The following WHRN variants were observed in gnomAD, a reference collection of about 807,000 sequenced individuals.
WHRN encodes the protein whirlin, also known as CASK-interacting protein CIP98.
Under a neutral mutation model 68.3 loss-of-function variants are expected in WHRN, and 41 were observed. The ratio of observed to expected loss-of-function variants is 0.60; its 90% confidence interval spans 0.47 to 0.78. WHRN has a LOEUF of 0.78. WHRN is among the 30% of genes least tolerant of loss of function. WHRN has a pLI of 0.00. For synonymous variants in WHRN, 560 were observed against 561.3 expected (o/e 1.00, Z 0.03); for missense variants, 1,243 against 1,244.7 (o/e 1.00, Z 0.02).
chr9:114,503,222 G>A (rs1589285576), intron 1 of WHRN: 1 of 984,790 alleles, frequency 1.0e-6, no homozygotes, highest in Non-Finnish European at 1.2e-6. Context: ...CTGCGCTGGC[G>A]GGGAGTGGGG....
rs1232586111 is a variant in WHRN at position 114,424,227 on chromosome 9, C to G, written c.1416+107G>C. ...CAGTCCCAGGTCTCTGCCCAGTGTT[C>G]AGTTCAGGCCTGACCCCTTGTAGGT... is the stretch of plus-strand genomic sequence containing the variant. On this transcript the variant is annotated intron_variant, in intron 6 of 11. Coordinates refer to ENST00000362057, the MANE Select transcript of WHRN (RefSeq NM_015404.4). 7 of 1,311,192 alleles carry G rather than the reference C, an allele frequency of 5.3e-6. No homozygotes were observed. In the African/African-American group the frequency reaches 1.0e-4, roughly 19 times the overall value. 81.2% of individuals were successfully genotyped at this position (1,311,192 alleles called of 1,614,324 possible). A position where few individuals can be genotyped will look rare whatever the true frequency, so the allele number is the denominator to read the frequency against.
Position 114,402,578 on chromosome 9 carries a change from T to C in WHRN, c.*176A>G, listed in dbSNP as rs1305548225. 1 of 801,660 alleles carries C rather than the reference T, an allele frequency of 1.2e-6. No homozygotes were observed. The highest frequency in any genetic ancestry group is 2.1e-6 in the Non-Finnish European group (1 of 483,108). The allele number at this position is 801,660 out of a possible 1,614,324, so 49.7% of individuals were successfully genotyped here. On this transcript the variant is annotated 3_prime_UTR_variant, in exon 12 of 12. Transcript: ENST00000362057. ...TCCTGACCTGACCTTCTGTCTGCCTTGTCCTGCTCTCTTCCTCTCCCAGTT... is the reference window on the plus strand; with the variant it reads ...TCCTGACCTGACCTTCTGTCTGCCTCGTCCTGCTCTCTTCCTCTCCCAGTT...
At chr9:114,435,334 C>T (rs1195928059) in intron 3 of WHRN, among the ~76,000 whole-genome samples, 1 of 152,140 alleles carries the variant, frequency 6.6e-6, no homozygotes, top group African/African-American at 2.4e-5. Flanking sequence ...TAGTCCCCTC[C>T]CCATTCTGGT....
intron 7 of WHRN, among the ~76,000 whole-genome samples, chr9:114,413,037 C>A (rs1589079316): frequency 6.6e-6 from 1 of 152,232 alleles, no homozygotes; most frequent in African/African-American, 2.4e-5. Context: ...CAGGGTCCCC[C>A]AACTCCCATC....
chr9:114,494,124 T>A (rs747576846), intron 1 of WHRN, among the ~76,000 whole-genome samples: 10 of 152,210 alleles, frequency 6.6e-5, no homozygotes, highest in Non-Finnish European at 1.5e-4. Flanking sequence ...GAAGTGTCAG[T>A]GGGGGATTTA....
chr9:114,403,867 C>G (rs770215305), intron 10 of WHRN, 29 bp downstream of exon 10: 3 of 1,608,358 alleles, frequency 1.9e-6, no homozygotes, highest in East Asian at 4.5e-5. Context: ...TTCCTCTCAG[C>G]CCTCTGCATC....
chr9:114,494,864 G>T (rs1199583743), intron 1 of WHRN, among the ~76,000 whole-genome samples: 5 of 121,252 alleles, frequency 4.1e-5, no homozygotes, highest in African/African-American at 1.0e-4. Flanking sequence ...GAGCAACAAA[G>T]AAAAGAAAAC....
In WHRN at chr9:114,478,469, G is replaced by A. The variant is rs369246146; in HGVS notation, c.837+84C>T. ...CTGGACAGAACCAGCCTCTTCTTGC[G>A]GCCTCCAAGCAGCTCTGCTGTTCTG... On this transcript the variant is annotated intron_variant, in intron 2 of 11. Coordinates refer to ENST00000362057, the MANE Select transcript of WHRN (RefSeq NM_015404.4). The A allele has an allele frequency of 2.6e-4, 381 of 1,460,728 alleles. 15 individuals are homozygous for A. In the East Asian group the frequency reaches 3.3e-3, roughly 12 times the overall value. 90.5% of individuals were successfully genotyped at this position (1,460,728 alleles called of 1,614,324 possible). A position where few individuals can be genotyped will look rare whatever the true frequency, so the allele number is the denominator to read the frequency against.
chr9:114,489,440 C>T (rs1346182826), intron 1 of WHRN, among the ~76,000 whole-genome samples: 1 of 151,588 alleles, frequency 6.6e-6, no homozygotes, highest in Non-Finnish European at 1.5e-5. Context: ...AATACTGTTC[C>T]TATCAAAGGC....
At chr9:114,493,155 G>A (rs1267974947) in intron 1 of WHRN, among the ~76,000 whole-genome samples, 1 of 151,944 alleles carries the variant, frequency 6.6e-6, no homozygotes, top group Non-Finnish European at 1.5e-5. Context: ...TTTGAGACCA[G>A]CCTGGGCGAC....
At chr9:114,466,000 C>T (rs1387654367) in intron 3 of WHRN, among the ~76,000 whole-genome samples, 1 of 152,216 alleles carries the variant, frequency 6.6e-6, no homozygotes, top group African/African-American at 2.4e-5. Flanking sequence ...CGTAACAAAC[C>T]CTGAGGTCAG....
At chr9:114,466,605 C>T (rs1450225780) in intron 2 of WHRN, among the ~76,000 whole-genome samples, 1 of 152,188 alleles carries the variant, frequency 6.6e-6, no homozygotes, top group African/African-American at 2.4e-5. Flanking sequence ...AAGCCCCTCA[C>T]CCCCTCTTGG....
intron 4 of WHRN, chr9:114,425,489 G>T (rs1836742138): frequency 3.7e-5 from 11 of 301,034 alleles, no homozygotes; most frequent in East Asian, 2.0e-4. Context: ...CAGAAATCCA[G>T]TTTTTTTTTT....
chr9:114,413,700 A>G (rs996449537), intron 7 of WHRN, among the ~76,000 whole-genome samples: 5 of 152,158 alleles, frequency 3.3e-5, no homozygotes, highest in Non-Finnish European at 5.9e-5. Context: ...GATCACAAGA[A>G]CAACCTCAAC....
chr9:114,432,522 T>TA (rs1837512295), intron 3 of WHRN, among the ~76,000 whole-genome samples: 1 of 152,212 alleles, frequency 6.6e-6, no homozygotes, highest in African/African-American at 2.4e-5. Flanking sequence ...GGTGTGTGTT[T>TA]CTGAGCACAG....
intron 1 of WHRN, among the ~76,000 whole-genome samples, chr9:114,488,602 T>C (rs1412312448): frequency 6.6e-6 from 1 of 151,952 alleles, no homozygotes; most frequent in Non-Finnish European, 1.5e-5. Context: ...CAAAAGAAAG[T>C]CCCTTAGGGT....
intron 3 of WHRN, among the ~76,000 whole-genome samples, chr9:114,456,347 A>G (rs983513708): frequency 6.6e-6 from 1 of 152,176 alleles, no homozygotes; most frequent in Non-Finnish European, 1.5e-5. Context: ...GCAGACTGAG[A>G]TGAATGAAGA....
chr9:114,480,018 G>A (rs557508021), intron 1 of WHRN, among the ~76,000 whole-genome samples: 10 of 152,212 alleles, frequency 6.6e-5, no homozygotes, highest in Admixed American at 2.6e-4. Flanking sequence ...AGCTGAGATC[G>A]TGCCACTGCA....
intron 7 of WHRN, among the ~76,000 whole-genome samples, chr9:114,409,782 G>C (rs1247428340): frequency 6.6e-6 from 1 of 151,792 alleles, no homozygotes; most frequent in Non-Finnish European, 1.5e-5. Context: ...GCTCGACAAG[G>C]TGTACCCTCA....
Sources: allele counts gnomAD v4.1 joint callset (sites outside exome capture counted in the v4.1 genomes callset), GRCh38; gene constraint gnomAD v4.1.1; transcripts MANE v1.5; gene names NCBI Gene and HGNC (gene_info 2026-07-23, HGNC 2026-07-21).